STRN4: variants seen among roughly 807,000 people sequenced by gnomAD.
The protein encoded by STRN4 is striatin 4.
A neutral mutation model predicts 77.9 loss-of-function variants in STRN4; 27 were observed. The observed-to-expected ratio is 0.35, with a 90% CI of 0.26 to 0.48. The LOEUF (loss-of-function observed/expected upper bound fraction) is 0.48, where lower values mean the gene tolerates loss of function less well. STRN4 is among the 20% of genes least tolerant of loss of function. The pLI is 0.99. For synonymous variants in STRN4, 466 were observed against 443.1 expected (o/e 1.05, Z -0.65); for missense variants, 798 against 1,049.7 (o/e 0.76, Z 3.31).
rs1264650942 is a variant in STRN4 at position 46,741,561 on chromosome 19, G to A, written c.283-2673C>T. On this transcript the variant is annotated intron_variant, in intron 1 of 17. Coordinates refer to ENST00000263280, the MANE Select transcript of STRN4 (RefSeq NM_013403.3). The surrounding 1 kb of genome is among the most constrained non-coding windows in gnomAD (Gnocchi z 4.9). Reference sequence around the variant, plus strand: ...AGCCCCCACGGGCTGTCTGGTCTGCGAGGGCCAAGGTAGGCCTGAGGGTCG... The same window carrying A: ...AGCCCCCACGGGCTGTCTGGTCTGCAAGGGCCAAGGTAGGCCTGAGGGTCG... Among the ~76,000 whole-genome samples, 2 of 152,198 alleles carry A rather than the reference G, an allele frequency of 1.3e-5. No individual in the cohort carries two copies. The highest frequency in any genetic ancestry group is 2.4e-5 in the African/African-American group (1 of 41,448).
At chr19:46,729,271 C>G (rs372336322) in intron 6 of STRN4, among the ~76,000 whole-genome samples, 2 of 152,196 alleles carry the variant, frequency 1.3e-5, no homozygotes, top group South Asian at 2.1e-4. Context: ...CCCAACCCTG[C>G]GAACAGCTAC....
At chr19:46,734,166 A>G (rs1247266877) in intron 4 of STRN4, among the ~76,000 whole-genome samples, 1 of 152,242 alleles carries the variant, frequency 6.6e-6, no homozygotes, top group Non-Finnish European at 1.5e-5. Flanking sequence ...CTGGGGGCAG[A>G]TTGCCCAAGA....
rs1252869264 is a variant in STRN4, at chr19:46,738,117, G to A, written c.460+47C>T. On this transcript the variant is annotated intron_variant, in intron 3 of 17. Transcript: ENST00000263280. This position sits in a 1 kb window ranked among gnomAD's most constrained non-coding sequence, Gnocchi z 4.5. ...TCTTCCTGCTTCTCCAGAACACTCA[G>A]CTTCTGCGGGAGGGTGCCGACAGTG... is the stretch of plus-strand genomic sequence containing the variant. 1.3e-6 allele frequency: 2 copies of A among 1,578,654 alleles called. No homozygotes were observed. Among genetic ancestry groups the A allele is most frequent in the Non-Finnish European group, 1.7e-6 (2 of 1,147,706 alleles).
Position 46,733,026 on chromosome 19 carries a change from T to A in STRN4, c.737+13A>T, listed in dbSNP as rs767000936. 6.9e-6 allele frequency: 11 copies of A among 1,602,520 alleles called. No homozygotes were observed. The highest frequency in any genetic ancestry group is 4.5e-5 in the East Asian group (2 of 44,568). On this transcript the variant is annotated intron_variant, in intron 5 of 17. Transcript: ENST00000263280. This position sits in a 1 kb window ranked among gnomAD's most constrained non-coding sequence, Gnocchi z 4.3. ...GGAACAGAGAGACACACCTGCCATG[T>A]CCACGGGCTCACCTCTTTATCTGCT... is the stretch of plus-strand genomic sequence containing the variant.
intron 3 of STRN4, among the ~76,000 whole-genome samples, chr19:46,737,250 C>T (rs933856081): frequency 2.0e-5 from 3 of 152,220 alleles, no homozygotes; most frequent in Non-Finnish European, 4.4e-5. Context: ...TAGTGTAAGC[C>T]GTGTCAGTTT....
At position 46,746,350 on chromosome 19, in the gene STRN4, G is replaced by A; in HGVS notation, c.81C>T (p.Gly27=). The A allele has an allele frequency of 1.6e-6, 2 of 1,225,972 alleles. No homozygotes were observed. Among genetic ancestry groups the A allele is most frequent in the Non-Finnish European group, 2.0e-6 (2 of 986,970 alleles). The allele number at this position is 1,225,972 out of a possible 1,614,324, so 75.9% of individuals were successfully genotyped here. A position where few individuals can be genotyped will look rare whatever the true frequency, so the allele number is the denominator to read the frequency against. Residue 27 remains glycine, a synonymous_variant, in exon 1 of 18, where the codon GGC becomes GGT. Transcript: ENST00000263280. ...CRPLGSGAGP[G]PTGAAPVSAP... is the part of the protein sequence containing the mutation. ...CGGAGACCGGGGCCGCCCCAGTGGG[G>A]CCAGGGCCCGCGCCTGAGCCGAGCG...
rs1314973790 is a variant in STRN4 at position 46,738,938 on chromosome 19, T to G, written c.283-50A>C. 2 of 1,518,070 alleles carry G rather than the reference T, an allele frequency of 1.3e-6. No individual in the cohort carries two copies. Among genetic ancestry groups the G allele is most frequent in the Admixed American group, 1.7e-5 (1 of 59,836 alleles). 94.0% of individuals were successfully genotyped at this position (1,518,070 alleles called of 1,614,324 possible). A position where few individuals can be genotyped will look rare whatever the true frequency, so the allele number is the denominator to read the frequency against. ...GGGAGATAATGGGGCTCAGGCTCAA[T>G]GCCGGTGTGTCTATCACTCACCCAG... On this transcript the variant is annotated intron_variant, in intron 1 of 17. Transcript: ENST00000263280. The surrounding 1 kb of genome is among the most constrained non-coding windows in gnomAD (Gnocchi z 4.5).
At chr19:46,732,996 C>A in intron 5 of STRN4, 43 bp downstream of exon 5, 2 of 1,573,674 alleles carry the variant, frequency 1.3e-6, no homozygotes, top group South Asian at 1.1e-5. Flanking sequence ...CACCAGCAGT[C>A]AGGAGGAACA....
intron 12 of STRN4, 130 bp downstream of exon 12, chr19:46,724,677 A>G (rs540599760): frequency 1.5e-6 from 2 of 1,375,202 alleles, no homozygotes; most frequent in South Asian, 1.3e-5. Flanking sequence ...AACAGAGCAG[A>G]CAGGGGAGCC....
Position 46,733,262 on chromosome 19 carries a change from T to G in STRN4, c.540-26A>C. On this transcript the variant is annotated intron_variant, in intron 4 of 17. Transcript: ENST00000263280. This position sits in a 1 kb window ranked among gnomAD's most constrained non-coding sequence, Gnocchi z 4.3. ...CTGCAGGGGTGCAGAGCCACGTGGG[T>G]CAGACATCCCCTGGGCTTCTTCATG... The G allele has an allele frequency of 6.2e-7, 1 of 1,601,332 alleles. No individual in the cohort carries two copies. The highest frequency in any genetic ancestry group is 8.5e-7 in the Non-Finnish European group (1 of 1,176,958).
chr19:46,745,835 C>A (rs769308071), intron 1 of STRN4: 2 of 262,948 alleles, frequency 7.6e-6, no homozygotes, highest in Non-Finnish European at 7.2e-6. Flanking sequence ...CGTGCTCAGT[C>A]CCAGTCCCAG....
At chr19:46,730,259 C>T (rs1315323088) in intron 6 of STRN4, among the ~76,000 whole-genome samples, 1 of 152,200 alleles carries the variant, frequency 6.6e-6, no homozygotes, top group Non-Finnish European at 1.5e-5. Flanking sequence ...ACTGGAGATG[C>T]AGTGGAGGCC....
intron 7 of STRN4, 172 bp from the exon 8 acceptor site, chr19:46,728,179 T>C (rs2054166606): frequency 1.4e-6 from 1 of 726,190 alleles, no homozygotes; most frequent in African/African-American, 1.7e-5. Flanking sequence ...GGCCCCTCCG[T>C]GGGGCAGTGG....
At chr19:46,726,760 G>A (rs1042012187) in intron 9 of STRN4, among the ~76,000 whole-genome samples, 2 of 152,094 alleles carry the variant, frequency 1.3e-5, no homozygotes, top group Non-Finnish European at 2.9e-5. Flanking sequence ...TGACGTCCCT[G>A]CCTTAGCTGT....
rs2054182342 is a variant in STRN4, at chr19:46,728,760, C to G, written c.897G>C (p.Leu299=). The stretch of plus-strand genomic sequence containing the variant: ...CATCCTCGTCTTCCATTTCGGGCAC[C>G]AGAGCCTTGGATGGGAGCTGGCACA... ...KQRVKLPSKA[L]VPEMEDEDEE... is the part of the protein sequence containing the mutation. The change falls in exon 7 of 18, where the codon CTG becomes CTC. Residue 299 remains leucine (L), a synonymous_variant. Transcript: ENST00000263280. 1.2e-6 allele frequency: 2 copies of G among 1,614,168 alleles called. No homozygotes were observed. Among genetic ancestry groups the G allele is most frequent in the African/African-American group, 2.7e-5 (2 of 75,058 alleles).
Position 46,723,407 on chromosome 19 carries a change from C to T in STRN4, c.1595-123G>A, listed in dbSNP as rs1424819808. The T allele has an allele frequency of 2.4e-6, 3 of 1,236,666 alleles. No individual in the cohort carries two copies. Among genetic ancestry groups the T allele is most frequent in the East Asian group, 5.1e-5 (2 of 38,952 alleles). 76.6% of individuals were successfully genotyped at this position (1,236,666 alleles called of 1,614,324 possible). A position where few individuals can be genotyped will look rare whatever the true frequency, so the allele number is the denominator to read the frequency against. On this transcript the variant is annotated intron_variant, in intron 12 of 17. Transcript: ENST00000263280. The surrounding 1 kb of genome is among the most constrained non-coding windows in gnomAD (Gnocchi z 5.5). ...GCTCCAATCACCCACGCACCCACTT[C>T]ACACCTGGTGCCCCTCGGAACTGTC...
At chr19:46,729,327 G>A (rs986682661) in intron 6 of STRN4, among the ~76,000 whole-genome samples, 2 of 152,196 alleles carry the variant, frequency 1.3e-5, no homozygotes, top group African/African-American at 4.8e-5. Context: ...CCAGGAGACA[G>A]GCTGAGCAGC....
chr19:46,724,249 CAAAAAAAAA>C (rs71970589), intron 12 of STRN4, among the ~76,000 whole-genome samples: 8 of 87,206 alleles, frequency 9.2e-5, no homozygotes, highest in South Asian at 3.8e-4. Flanking sequence ...CTCTTTGTCT[CAAAAAAAAA>C]AAAAAAAAAA....
intron 3 of STRN4, among the ~76,000 whole-genome samples, chr19:46,737,811 C>G (rs2054398848): frequency 6.6e-6 from 1 of 152,166 alleles, no homozygotes. Context: ...AACGGCAACC[C>G]TGTTCAAACG....
Sources: allele counts gnomAD v4.1 joint callset (sites outside exome capture counted in the v4.1 genomes callset), GRCh38; gene constraint gnomAD v4.1.1; non-coding constraint Gnocchi (gnomAD v3.1); transcripts MANE v1.5; gene names NCBI Gene and HGNC (gene_info 2026-07-23, HGNC 2026-07-21).